KIF26B: variants seen among roughly 807,000 people sequenced by gnomAD.
The protein encoded by KIF26B is kinesin-like protein KIF26B.
A neutral mutation model predicts 151.2 loss-of-function variants in KIF26B; 63 were observed. The observed-to-expected ratio is 0.42, with a 90% CI of 0.34 to 0.51. The LOEUF (loss-of-function observed/expected upper bound fraction) is 0.51. KIF26B is among the 20% of genes least tolerant of loss of function. The pLI, the probability that KIF26B is intolerant of heterozygous loss-of-function variation, is 0.07. For synonymous variants in KIF26B, 1,357 were observed against 1,262.1 expected (o/e 1.08, Z -1.59); for missense variants, 2,813 against 2,913.6 (o/e 0.97, Z 0.79).
intron 2 of KIF26B, among the ~76,000 whole-genome samples, chr1:245,329,052 A>T (rs982474712): frequency 1.3e-5 from 2 of 152,166 alleles, no homozygotes; most frequent in Non-Finnish European, 2.9e-5. Context: ...GGGCATCTGG[A>T]TATTGCTAGA....
At chr1:245,250,017 T>C (rs1573733292) in intron 2 of KIF26B, among the ~76,000 whole-genome samples, 3 of 152,216 alleles carry the variant, frequency 2.0e-5, no homozygotes, top group Admixed American at 1.3e-4. Flanking sequence ...ATGAAACATA[T>C]TAAAAAATTT....
At chr1:245,246,332 G>C (rs1573731099) in intron 2 of KIF26B, among the ~76,000 whole-genome samples, 1 of 152,356 alleles carries the variant, frequency 6.6e-6, no homozygotes, top group East Asian at 1.9e-4. Flanking sequence ...GTCTGGGGAT[G>C]AGCAATGCTG....
intron 9 of KIF26B, among the ~76,000 whole-genome samples, chr1:245,612,935 T>G (rs531833561): frequency 5.9e-5 from 9 of 152,166 alleles, no homozygotes; most frequent in African/African-American, 2.2e-4. Context: ...CTGCCTTCTG[T>G]GAAGTAGTGT....
chr1:245,697,413 G>GT (rs1157168267), intron 12 of KIF26B, among the ~76,000 whole-genome samples: 1 of 152,180 alleles, frequency 6.6e-6, no homozygotes, highest in East Asian at 1.9e-4. Flanking sequence ...TACCAGGCAC[G>GT]TAACCAGTGC....
intron 3 of KIF26B, among the ~76,000 whole-genome samples, chr1:245,386,463 G>A (rs1384390452): frequency 1.3e-5 from 2 of 152,146 alleles, no homozygotes; most frequent in African/African-American, 2.4e-5. Context: ...ATGAGGGAGC[G>A]TGCTACTTCT....
chr1:245,387,010 C>T (rs773862066), intron 3 of KIF26B, among the ~76,000 whole-genome samples: 4 of 152,122 alleles, frequency 2.6e-5, no homozygotes, highest in Non-Finnish European at 4.4e-5. Context: ...AGGCCAGATA[C>T]GAATTCCCCT....
intron 10 of KIF26B, among the ~76,000 whole-genome samples, chr1:245,649,181 A>T (rs1000228655): frequency 6.6e-6 from 1 of 152,206 alleles, no homozygotes; most frequent in African/African-American, 2.4e-5. Flanking sequence ...CACGGCCTAG[A>T]TTCAATATTT....
rs2043343243 is a variant in KIF26B, at chr1:245,597,128, A to C, written c.1351-5449A>C. On this transcript the variant is annotated intron_variant, in intron 5 of 14. Coordinates refer to ENST00000407071, the MANE Select transcript of KIF26B (RefSeq NM_018012.4). This position sits in a 1 kb window ranked among gnomAD's most constrained non-coding sequence, Gnocchi z 4.6. Reference sequence around the variant, plus strand: ...TAATTGGGGCATTTAGCCCATTTACATTTAAGGTTAATATTGTTATGTGTG... The same window carrying C: ...TAATTGGGGCATTTAGCCCATTTACCTTTAAGGTTAATATTGTTATGTGTG... 6.6e-6 allele frequency among the ~76,000 whole-genome samples: 1 copy of C among 152,176 alleles called. No individual in the cohort carries two copies.
intron 4 of KIF26B, among the ~76,000 whole-genome samples, chr1:245,451,602 T>A: frequency 7.0e-6 from 1 of 143,158 alleles, no homozygotes; most frequent in Non-Finnish European, 1.5e-5. Flanking sequence ...TTTTTTTTTT[T>A]TTTTTTTTTT....
chr1:245,320,079 G>A (rs12748580), intron 2 of KIF26B, among the ~76,000 whole-genome samples: 43,856 of 152,076 alleles, frequency 0.29, 8,242 homozygotes, highest in African/African-American at 0.52. Context: ...CACGCTGTGA[G>A]GTCAGCCAGC....
chr1:245,297,879 G>GTTTA (rs1344866229), intron 2 of KIF26B, among the ~76,000 whole-genome samples: 1 of 150,800 alleles, frequency 6.6e-6, no homozygotes, highest in Non-Finnish European at 1.5e-5. Context: ...ATCAGTTTTT[G>GTTTA]TTTGTTTGTT....
At chr1:245,551,636 C>T (rs943338357) in intron 5 of KIF26B, among the ~76,000 whole-genome samples, 11 of 152,172 alleles carry the variant, frequency 7.2e-5, no homozygotes, top group African/African-American at 2.4e-4. Context: ...GTCCACGCCA[C>T]GCGACCCTGC....
chr1:245,601,946 C>A lies in KIF26B; in HGVS notation c.1351-631C>A, dbSNP rs961595476. On this transcript the variant is annotated intron_variant, in intron 5 of 14. Transcript: ENST00000407071. This position sits in a 1 kb window ranked among gnomAD's most constrained non-coding sequence, Gnocchi z 4.4. ...AAAGGGCAGCGCCTCCTGCTCCCTC[C>A]AGAGATGCACTTCCATTCTCTGAAA... Among the ~76,000 whole-genome samples the A allele has an allele frequency of 1.6e-4, 24 of 152,012 alleles. No homozygotes were observed. The highest frequency in any genetic ancestry group is 1.4e-3 in the Admixed American group (21 of 15,242).
intron 4 of KIF26B, among the ~76,000 whole-genome samples, chr1:245,432,543 G>A (rs953606741): frequency 1.3e-5 from 2 of 152,100 alleles, no homozygotes; most frequent in Admixed American, 6.6e-5. Flanking sequence ...TTCCTGTCTC[G>A]CTGAAAACCC....
Position 245,367,071 on chromosome 1 carries a change from C to T in KIF26B, c.703C>T (p.His235Tyr). ...CATCCCCACCCTGGTGGGGTCCCGG[C>T]ACGTGGGTGGGCTCCAGCAGCCCAG... ...SNIPTLVGSRHVGGLQQPRDW... is the reference protein window; with the variant it reads ...SNIPTLVGSRYVGGLQQPRDW... Residue 235 changes from histidine to tyrosine, a missense_variant, in exon 3 of 15, where the codon CAC becomes TAC. His to Tyr is a moderately conservative substitution (Grantham distance 83). Around this residue, in one of 3 missense-constraint regions of KIF26B, gnomAD observed 676 missense variants for 688.1 expected, o/e 0.98. Coordinates refer to ENST00000407071, the MANE Select transcript of KIF26B (RefSeq NM_018012.4). The surrounding 1 kb of genome is among the most constrained non-coding windows in gnomAD (Gnocchi z 4.2). The T allele has an allele frequency of 1.2e-6, 2 of 1,602,860 alleles. No homozygotes were observed. The highest frequency in any genetic ancestry group is 1.7e-6 in the Non-Finnish European group (2 of 1,174,888).
chr1:245,434,855 A>G (rs1220990880), intron 4 of KIF26B, among the ~76,000 whole-genome samples: 1 of 151,598 alleles, frequency 6.6e-6, no homozygotes, highest in Non-Finnish European at 1.5e-5. Context: ...TCCCTTCCTC[A>G]CTGTCTTATG....
intron 4 of KIF26B, among the ~76,000 whole-genome samples, chr1:245,539,641 A>G (rs1183544497): frequency 2.0e-5 from 3 of 152,058 alleles, no homozygotes; most frequent in Non-Finnish European, 4.4e-5. Flanking sequence ...CTGTGATAAG[A>G]TGATCATGGA....
At chr1:245,323,432 AG>A (rs1488787408) in intron 2 of KIF26B, among the ~76,000 whole-genome samples, 1 of 152,260 alleles carries the variant, frequency 6.6e-6, no homozygotes, top group Non-Finnish European at 1.5e-5. Flanking sequence ...CAATTTCAAG[AG>A]GCTTTGTAAC....
intron 3 of KIF26B, among the ~76,000 whole-genome samples, chr1:245,398,313 A>G (rs964322364): frequency 6.6e-6 from 1 of 152,162 alleles, no homozygotes; most frequent in Non-Finnish European, 1.5e-5. Flanking sequence ...TTGACCCCCG[A>G]TAAAGTAATC....
Sources: allele counts gnomAD v4.1 joint callset (sites outside exome capture counted in the v4.1 genomes callset), GRCh38; gene constraint gnomAD v4.1.1; regional missense constraint gnomAD v4.1.1; non-coding constraint Gnocchi (gnomAD v3.1); transcripts MANE v1.5; gene names NCBI Gene and HGNC (gene_info 2026-07-23, HGNC 2026-07-21).